The following TNNI3K variants were observed in gnomAD, a reference collection of about 807,000 sequenced individuals.
TNNI3K encodes the protein TNNI3 interacting kinase.
TNNI3K carries 140 observed loss-of-function variants against 114.5 expected under a neutral mutation model. The observed-to-expected ratio is 1.22, with a 90% CI of 1.07 to 1.41. The LOEUF is 1.41. TNNI3K is among the 40% of genes most tolerant of loss of function. The probability of loss-of-function intolerance (pLI) is 0.00; values close to 1 mark genes in which losing one functional copy is unlikely to be tolerated. For missense variants in TNNI3K, 1,125 were observed against 1,007.6 expected (o/e 1.12, Z -1.58); for synonymous variants, 347 against 347.5 (o/e 1.00, Z 0.02).
At chr1:74,404,671 A>G (rs1043477431) in intron 17 of TNNI3K, among the ~76,000 whole-genome samples, 2 of 152,200 alleles carry the variant, frequency 1.3e-5, no homozygotes, top group African/African-American at 4.8e-5. Context: ...ACACTTTGAG[A>G]ACCTCTGGCC....
At chr1:74,400,061 C>A (rs565834716) in intron 17 of TNNI3K, among the ~76,000 whole-genome samples, 1 of 152,264 alleles carries the variant, frequency 6.6e-6, no homozygotes, top group African/African-American at 2.4e-5. Context: ...AAAAACAAAC[C>A]CTTAAAGAAT....
chr1:74,370,944 T>G (rs1662563543), intron 17 of TNNI3K: 1 of 151,856 alleles, frequency 6.6e-6, no homozygotes, highest in African/African-American at 2.4e-5. Context: ...AGTAAAGTCT[T>G]ATAGGAAAGG....
At chr1:74,446,568 G>GT (rs1557571451) in intron 20 of TNNI3K, among the ~76,000 whole-genome samples, 5 of 145,460 alleles carry the variant, frequency 3.4e-5, no homozygotes, top group Admixed American at 2.7e-4. Context: ...GTCAATTTTG[G>GT]CTTTTGTTGC....
intron 23 of TNNI3K, among the ~76,000 whole-genome samples, chr1:74,513,305 AT>A (rs1646290904): frequency 6.6e-6 from 1 of 152,214 alleles, no homozygotes; most frequent in Non-Finnish European, 1.5e-5. Flanking sequence ...TCCTTTCATT[AT>A]TTTAATCCAG....
intron 2 of TNNI3K, among the ~76,000 whole-genome samples, chr1:74,245,213 C>T (rs1654481404): frequency 6.6e-6 from 1 of 152,154 alleles, no homozygotes. Flanking sequence ...ACAACTTCTG[C>T]CTGAAGCAAA....
At chr1:74,475,379 G>A (rs768942825) in intron 21 of TNNI3K, 5 of 716,852 alleles carry the variant, frequency 7.0e-6, no homozygotes, top group South Asian at 4.4e-5. Flanking sequence ...ACTTTCCTTG[G>A]ATTATATGTT....
intron 21 of TNNI3K, chr1:74,465,025 C>A: frequency 1.8e-6 from 2 of 1,096,854 alleles, no homozygotes; most frequent in Non-Finnish European, 2.2e-6. Context: ...AAAACATTTT[C>A]TTGTATTTCA....
At chr1:74,338,186 A>G (rs1169910741) in intron 7 of TNNI3K, among the ~76,000 whole-genome samples, 2 of 151,998 alleles carry the variant, frequency 1.3e-5, no homozygotes, top group African/African-American at 4.8e-5. Flanking sequence ...TCAACAATAT[A>G]TGAGAATTTC....
At chr1:74,457,834 C>G (rs1206553448) in intron 20 of TNNI3K, among the ~76,000 whole-genome samples, 1 of 152,066 alleles carries the variant, frequency 6.6e-6, no homozygotes, top group East Asian at 1.9e-4. Flanking sequence ...CAGTCATTCT[C>G]TCTGCATAGT....
intron 5 of TNNI3K, among the ~76,000 whole-genome samples, chr1:74,273,584 G>A (rs899407411): frequency 1.3e-5 from 2 of 151,908 alleles, no homozygotes; most frequent in African/African-American, 4.8e-5. Context: ...AAGCAAAGTG[G>A]TTAAGAGCTT....
chr1:74,356,248 A>G (rs1422692946), intron 11 of TNNI3K, among the ~76,000 whole-genome samples: 1 of 152,160 alleles, frequency 6.6e-6, no homozygotes. Flanking sequence ...TTTTGTGACT[A>G]TATCACAATT....
intron 4 of TNNI3K, among the ~76,000 whole-genome samples, chr1:74,263,980 CT>C (rs1459393591): frequency 6.6e-6 from 1 of 151,774 alleles, no homozygotes; most frequent in South Asian, 2.1e-4. Flanking sequence ...GTTAAATCAT[CT>C]CTATATTATT....
intron 5 of TNNI3K, among the ~76,000 whole-genome samples, chr1:74,302,406 C>G (rs937608590): frequency 1.3e-5 from 2 of 152,168 alleles, no homozygotes; most frequent in Admixed American, 1.3e-4. Context: ...TCACATGTCT[C>G]TCACTTTAAA....
intron 10 of TNNI3K, 53 bp downstream of exon 10, chr1:74,353,413 A>T: frequency 6.3e-7 from 1 of 1,598,560 alleles, no homozygotes; most frequent in Non-Finnish European, 8.5e-7. Context: ...AATGATTAAG[A>T]ATAATGGTAT....
At chr1:74,237,101 A>G (rs531412) in intron 2 of TNNI3K, among the ~76,000 whole-genome samples, 94,358 of 151,836 alleles carry the variant, frequency 0.62, 30,514 homozygotes, top group African/African-American at 0.8. Context: ...ATTGGCAAAT[A>G]AAATCACCCA....
chr1:74,384,278 T>C (rs937344724), intron 17 of TNNI3K, among the ~76,000 whole-genome samples: 1 of 152,276 alleles, frequency 6.6e-6, no homozygotes, highest in African/African-American at 2.4e-5. Context: ...TTTTGTGCTG[T>C]AGATAATTAT....
chr1:74,473,302 T>A (rs1668028998), intron 21 of TNNI3K, among the ~76,000 whole-genome samples: 1 of 152,098 alleles, frequency 6.6e-6, no homozygotes, highest in Non-Finnish European at 1.5e-5. Context: ...ATCAGCTAAG[T>A]GTTGAAACCA....
At chr1:74,268,212 T>A (rs189017843) in intron 4 of TNNI3K, among the ~76,000 whole-genome samples, 7 of 152,048 alleles carry the variant, frequency 4.6e-5, no homozygotes, top group Admixed American at 4.6e-4. Context: ...AAAATATAAC[T>A]TTATGCTTAA....
At chr1:74,425,219 C>T (rs1010733141) in intron 17 of TNNI3K, among the ~76,000 whole-genome samples, 1 of 152,060 alleles carries the variant, frequency 6.6e-6, no homozygotes, top group Non-Finnish European at 1.5e-5. Context: ...AGCTCATTTC[C>T]TCATCTTTAC....
Sources: allele counts gnomAD v4.1 joint callset (sites outside exome capture counted in the v4.1 genomes callset), GRCh38; gene constraint gnomAD v4.1.1; transcripts MANE v1.5; gene names NCBI Gene and HGNC (gene_info 2026-07-23, HGNC 2026-07-21).